EIPR1: variants seen among roughly 807,000 people sequenced by gnomAD.
EIPR1 encodes EARP and GARP complex-interacting protein 1.
EIPR1 carries 25 observed loss-of-function variants against 48.1 expected under a neutral mutation model. That is an observed-to-expected ratio of 0.52 (90% CI 0.38 to 0.73). EIPR1 has a LOEUF of 0.73. Among genes scored for constraint, EIPR1 ranks in the 30% least tolerant of loss-of-function variants. The pLI is 0.00. For missense variants in EIPR1, 415 were observed against 506.2 expected (o/e 0.82, Z 1.73); for synonymous variants, 204 against 201.9 (o/e 1.01, Z -0.09).
In EIPR1 at chr2:3,192,542, C is replaced by T. The variant is rs1305624954; in HGVS notation, c.861G>A (p.Leu287=). The change falls in exon 8 of 9, where the codon CTG becomes CTA. Residue 287 remains leucine, a synonymous_variant. Coordinates refer to ENST00000382125, the MANE Select transcript of EIPR1 (RefSeq NM_003310.5). ...TGCTGTCACTGCTGCCCGTGAGGAC[C>T]AGCTGGTCATGAGAGTGGTTGTAGC... ...NVRYNHSHDQ[L]VLTGSSDSRV... is the part of the protein sequence containing the mutation. 1 of 1,612,786 alleles carries T rather than the reference C, an allele frequency of 6.2e-7. No individual in the cohort carries two copies. Among genetic ancestry groups the T allele is most frequent in the Admixed American group, 1.7e-5 (1 of 59,968 alleles).
intron 4 of EIPR1, among the ~76,000 whole-genome samples, chr2:3,244,381 T>C (rs1250727505): frequency 6.6e-6 from 1 of 152,232 alleles, no homozygotes; most frequent in Admixed American, 6.5e-5. Context: ...CATAACATTT[T>C]AAAATTATTT....
At chr2:3,324,692 C>G (rs950413029) in intron 3 of EIPR1, among the ~76,000 whole-genome samples, 6 of 152,270 alleles carry the variant, frequency 3.9e-5, no homozygotes, top group Non-Finnish European at 7.3e-5. Flanking sequence ...GTCCTCAACT[C>G]TGGTCAGTGG....
In EIPR1 at chr2:3,192,487, A is replaced by C. The variant is rs773911394; in HGVS notation, c.916T>G (p.Ser306Ala). The C allele has an allele frequency of 1.9e-6, 3 of 1,613,048 alleles. No homozygotes were observed. In the African/African-American group the frequency reaches 4.0e-5, roughly 22 times the overall value. The change falls in exon 8 of 9, where the codon TCG (serine) becomes GCG (alanine). Residue 306 changes from serine (S) to alanine (A), a missense_variant. By Grantham distance (99) the Ser-to-Ala change is moderately conservative (BLOSUM62 1). Transcript: ENST00000382125. ...RVILSNMVSI[S>A]SEPFGHLVDD... ...ACCAAGTGGCCGAAGGGCTCCGACGAGATGGACACCATGTTGGAAAGGATG... is the reference window on the plus strand; with the variant it reads ...ACCAAGTGGCCGAAGGGCTCCGACGCGATGGACACCATGTTGGAAAGGATG...
intron 2 of EIPR1, among the ~76,000 whole-genome samples, chr2:3,339,906 C>T (rs1445974790): frequency 2.6e-5 from 4 of 152,160 alleles, no homozygotes; most frequent in Admixed American, 1.3e-4. Flanking sequence ...GCCGAGATGG[C>T]GCCACCGCAC....
chr2:3,366,699 G>T (rs564424329), intron 1 of EIPR1, among the ~76,000 whole-genome samples: 2 of 152,230 alleles, frequency 1.3e-5, no homozygotes, highest in Admixed American at 6.5e-5. Context: ...CAACATAGAG[G>T]GTAATTAAGA....
At chr2:3,370,184 T>A (rs983374923) in intron 1 of EIPR1, among the ~76,000 whole-genome samples, 1 of 152,218 alleles carries the variant, frequency 6.6e-6, no homozygotes, top group African/African-American at 2.4e-5. Context: ...GGGTCCTGTC[T>A]GTTAGAAGGA....
chr2:3,222,037 G>A (rs1665911920), intron 4 of EIPR1, among the ~76,000 whole-genome samples: 1 of 151,546 alleles, frequency 6.6e-6, no homozygotes, highest in African/African-American at 2.4e-5. Context: ...GCATTTGAAT[G>A]GGTACCAATT....
chr2:3,226,555 G>C (rs1007441110), intron 4 of EIPR1, among the ~76,000 whole-genome samples: 7 of 152,302 alleles, frequency 4.6e-5, no homozygotes, highest in East Asian at 3.9e-4. Flanking sequence ...CTTCCACTCT[G>C]TACGCTGCCT....
At chr2:3,320,818 G>A (rs532451148) in intron 3 of EIPR1, among the ~76,000 whole-genome samples, 25 of 152,208 alleles carry the variant, frequency 1.6e-4, no homozygotes, top group Non-Finnish European at 2.9e-4. Context: ...GACCTGTCTG[G>A]GCTTATGCCT....
intron 4 of EIPR1, among the ~76,000 whole-genome samples, chr2:3,243,945 G>A (rs1666719446): frequency 6.6e-6 from 1 of 152,232 alleles, no homozygotes; most frequent in Non-Finnish European, 1.5e-5. Flanking sequence ...CACAGGCAGG[G>A]CTCAGAATGC....
intron 6 of EIPR1, among the ~76,000 whole-genome samples, 168 bp downstream of exon 6, chr2:3,196,713 T>G (rs151280125): frequency 1.3e-5 from 2 of 152,146 alleles, no homozygotes; most frequent in African/African-American, 4.8e-5. Flanking sequence ...CTAGCTTAAT[T>G]TGGGGTGAAG....
chr2:3,299,043 C>T (rs1388131233), intron 3 of EIPR1, among the ~76,000 whole-genome samples: 1 of 152,190 alleles, frequency 6.6e-6, no homozygotes, highest in African/African-American at 2.4e-5. Flanking sequence ...AGGAAAGCCC[C>T]ACCATAGCAC....
At chr2:3,321,497 G>A (rs568074313) in intron 3 of EIPR1, among the ~76,000 whole-genome samples, 19 of 152,198 alleles carry the variant, frequency 1.2e-4, no homozygotes, top group East Asian at 5.8e-4. Flanking sequence ...AAGGGCTCTC[G>A]GTCATTTTCT....
At chr2:3,261,439 C>T (rs779848930) in intron 3 of EIPR1, among the ~76,000 whole-genome samples, 5 of 152,316 alleles carry the variant, frequency 3.3e-5, no homozygotes, top group Non-Finnish European at 5.9e-5. Context: ...AACCCACTGA[C>T]GGTAAAGATG....
rs199948556 is a variant in EIPR1, at chr2:3,372,942, G to GA, written c.42+4705dup. ...GACACAACCAAAAAAGAGAATTTTA[G>GA]ACCAATATCCTTGATGAACATTGAT... is the stretch of plus-strand genomic sequence containing the variant. On this transcript the variant is annotated intron_variant, in intron 1 of 8. Transcript: ENST00000382125. Among the ~76,000 whole-genome samples, 1,268 of 152,098 alleles carry GA rather than the reference G, an allele frequency of 8.3e-3. 112 individuals carry two copies. In the East Asian group the frequency reaches 0.19, roughly 23 times the overall value.
intron 5 of EIPR1, among the ~76,000 whole-genome samples, chr2:3,201,692 G>A (rs567925455): frequency 9.2e-5 from 14 of 152,152 alleles, no homozygotes; most frequent in East Asian, 1.9e-4. Context: ...GACCCTAAAC[G>A]CTAAGCCACA....
At chr2:3,327,066 A>G (rs1403515690) in intron 3 of EIPR1, among the ~76,000 whole-genome samples, 2 of 152,226 alleles carry the variant, frequency 1.3e-5, no homozygotes. Context: ...GGAAACAGGG[A>G]GACAAGTGCT....
Position 3,323,313 on chromosome 2 carries a change from G to A in EIPR1, c.259+14704C>T, listed in dbSNP as rs577872722. ...GAGGCTTCTGGCAGGGACACCAAAG[G>A]TGATGTGGGGGTGGTATCTGCCTGA... On this transcript the variant is annotated intron_variant, in intron 3 of 8. Transcript: ENST00000382125. Among the ~76,000 whole-genome samples, 181 of 152,300 alleles carry A rather than the reference G, an allele frequency of 1.2e-3. 1 individual carries two copies. The highest frequency in any genetic ancestry group is 3.9e-3 in the African/African-American group (162 of 41,566).
rs557191166 is a variant in EIPR1, at chr2:3,317,979, C to T, written c.259+20038G>A. On this transcript the variant is annotated intron_variant, in intron 3 of 8. Transcript: ENST00000382125. Reference sequence around the variant, plus strand: ...TTCTGCTTCAGCCGTCCAGGCTGCCCGAGACACGGGCTCAGCACCTGCCTA... The same window carrying T: ...TTCTGCTTCAGCCGTCCAGGCTGCCTGAGACACGGGCTCAGCACCTGCCTA... Among the ~76,000 whole-genome samples, 151 of 152,340 alleles carry T rather than the reference C, an allele frequency of 9.9e-4. 1 individual carries two copies. Among genetic ancestry groups the T allele is most frequent in the African/African-American group, 3.4e-3 (140 of 41,574 alleles).
Sources: allele counts gnomAD v4.1 joint callset (sites outside exome capture counted in the v4.1 genomes callset), GRCh38; gene constraint gnomAD v4.1.1; transcripts MANE v1.5; gene names NCBI Gene and HGNC (gene_info 2026-07-23, HGNC 2026-07-21).